Variants in PRLR observed in about 807,000 individuals in gnomAD.
PRLR encodes prolactin receptor, also known as hPRL receptor.
A neutral mutation model predicts 40.2 loss-of-function variants in PRLR; 13 were observed. That is an observed-to-expected ratio of 0.32 (90% CI 0.21 to 0.51). The LOEUF is 0.51. PRLR is among the 20% of genes least tolerant of loss of function. The probability of loss-of-function intolerance (pLI) is 0.97; values close to 1 mark genes in which losing one functional copy is unlikely to be tolerated. For missense variants in PRLR, 656 were observed against 747.3 expected, an observed-to-expected ratio of 0.88 and a Z score of 1.42; for synonymous variants, 269 against 278.7, an observed-to-expected ratio of 0.97 and a Z score of 0.35.
chr5:35,143,048 A>G (rs73076824), intron 1 of PRLR, among the ~76,000 whole-genome samples: 8 of 152,368 alleles, frequency 5.3e-5, no homozygotes, highest in African/African-American at 1.9e-4. Flanking sequence ...GAGTTTCTAT[A>G]AATTGTTGAT....
At position 35,206,508 on chromosome 5, in the gene PRLR, A is replaced by C. The variant is rs115718462; in HGVS notation, c.-106+23760T>G. On this transcript the variant is annotated intron_variant, in intron 1 of 9. Coordinates refer to ENST00000618457, the MANE Select transcript of PRLR (RefSeq NM_000949.7). ...ATATTTACTGACAGTAACATGAATA[A>C]AAAATGTTAAATTATTCTTACCAAT... Among the ~76,000 whole-genome samples the C allele has an allele frequency of 4.0e-3, 610 of 152,240 alleles. 4 individuals carry two copies. Among genetic ancestry groups the C allele is most frequent in the African/African-American group, 0.014 (588 of 41,580 alleles).
chr5:35,080,663 A>G (rs1579598662), intron 5 of PRLR, among the ~76,000 whole-genome samples: 1 of 152,148 alleles, frequency 6.6e-6, no homozygotes, highest in Admixed American at 6.5e-5. Context: ...AACTAGAAAT[A>G]CCGTTTGACC....
At chr5:35,077,340 A>G (rs375226998) in intron 5 of PRLR, among the ~76,000 whole-genome samples, 1 of 152,056 alleles carries the variant, frequency 6.6e-6, no homozygotes, top group Non-Finnish European at 1.5e-5. Flanking sequence ...AAAATAAAGG[A>G]ATGGAGGAAG....
chr5:35,099,533 TC>T (rs1771731093), intron 2 of PRLR, among the ~76,000 whole-genome samples: 1 of 152,216 alleles, frequency 6.6e-6, no homozygotes, highest in Admixed American at 6.5e-5. Flanking sequence ...GTGTACTCCT[TC>T]TACTTATTAA....
At chr5:35,066,558 C>T (rs1008416547) in intron 9 of PRLR, among the ~76,000 whole-genome samples, 2 of 151,122 alleles carry the variant, frequency 1.3e-5, no homozygotes, top group African/African-American at 4.9e-5. Flanking sequence ...CATCTTCCTT[C>T]TCTCCTTCCT....
chr5:35,115,191 C>T (rs551524781), intron 2 of PRLR, among the ~76,000 whole-genome samples: 1 of 152,262 alleles, frequency 6.6e-6, no homozygotes, highest in South Asian at 2.1e-4. Context: ...TAAATTGCTA[C>T]AAGTAGCTAC....
At chr5:35,089,967 C>G (rs1771099904) in intron 2 of PRLR, among the ~76,000 whole-genome samples, 1 of 152,128 alleles carries the variant, frequency 6.6e-6, no homozygotes, top group Non-Finnish European at 1.5e-5. Context: ...CTCTTTCCAC[C>G]CCATAGCCAC....
chr5:35,073,036 T>C (rs1239906413), intron 5 of PRLR, among the ~76,000 whole-genome samples: 2 of 152,186 alleles, frequency 1.3e-5, no homozygotes, highest in Non-Finnish European at 2.9e-5. Context: ...ATAATTTTCA[T>C]GATGACAGAG....
At chr5:35,226,956 G>A (rs1451451952) in intron 1 of PRLR, among the ~76,000 whole-genome samples, 2 of 152,200 alleles carry the variant, frequency 1.3e-5, no homozygotes, top group East Asian at 3.9e-4. Context: ...AACGTGCTCA[G>A]CACAGGGAGG....
At chr5:35,219,389 AATG>A (rs1776363230) in intron 1 of PRLR, among the ~76,000 whole-genome samples, 1 of 152,234 alleles carries the variant, frequency 6.6e-6, no homozygotes, top group Admixed American at 6.5e-5. Context: ...TCATCTATAA[AATG>A]ATAATAAGAG....
chr5:35,223,776 A>C (rs2111682720), intron 1 of PRLR, among the ~76,000 whole-genome samples: 1 of 152,376 alleles, frequency 6.6e-6, no homozygotes, highest in Non-Finnish European at 1.5e-5. Flanking sequence ...CCCAACTAGG[A>C]ACTATGCTCC....
At chr5:35,091,520 G>A (rs16871725) in intron 2 of PRLR, among the ~76,000 whole-genome samples, 4,389 of 152,308 alleles carry the variant, frequency 0.029, 205 homozygotes, top group African/African-American at 0.1. Context: ...TGCCCATGGG[G>A]GAAAGATACT....
Position 35,091,157 on chromosome 5 carries a change from G to A in PRLR, c.-43-1494C>T, listed in dbSNP as rs115387261. 3.5e-3 allele frequency among the ~76,000 whole-genome samples: 525 copies of A among 152,146 alleles called. 3 individuals carry two copies. Among genetic ancestry groups the A allele is most frequent in the African/African-American group, 0.011 (449 of 41,522 alleles). On this transcript the variant is annotated intron_variant, in intron 2 of 9. Transcript: ENST00000618457. ...GGCTCCAGCTTCAGTAAAGGATCCC[G>A]GTCCAGTGGTGGATCCTGTGAGGTG...
At chr5:35,067,582 T>C (rs1416418611) in intron 9 of PRLR, among the ~76,000 whole-genome samples, 2 of 152,232 alleles carry the variant, frequency 1.3e-5, no homozygotes, top group East Asian at 3.8e-4. Context: ...TAGTTGCTTT[T>C]ATATATGTCA....
chr5:35,049,903 CTTTTTTTTTT>C, intron 8 of PRLR, among the ~76,000 whole-genome samples: 1 of 123,526 alleles, frequency 8.1e-6, no homozygotes, highest in Admixed American at 8.1e-5. Flanking sequence ...AAACTACATT[CTTTTTTTTTT>C]TTTTTTTTTT....
chr5:35,068,438 GAGGCCTATATTAAAATTAACTTT>G (rs1246771068), intron 8 of PRLR, among the ~76,000 whole-genome samples, 153 bp from the exon 9 acceptor site: 1 of 152,162 alleles, frequency 6.6e-6, no homozygotes, highest in Non-Finnish European at 1.5e-5. Context: ...TAAAATTACA[GAGGCCTATATTAAAATTAACTTT>G]AGCTAATTAA....
chr5:35,065,065 C>A lies in PRLR; in HGVS notation c.*24G>T. 6.3e-7 allele frequency: 1 copy of A among 1,589,526 alleles called. No individual in the cohort carries two copies. The highest frequency in any genetic ancestry group is 1.2e-5 in the South Asian group (1 of 86,930). ...TACCTGAAGAAAAATCACATTTTAACCAATCATTCCATTAGTCAAGCTATC... is the reference window on the plus strand; with the variant it reads ...TACCTGAAGAAAAATCACATTTTAAACAATCATTCCATTAGTCAAGCTATC... On this transcript the variant is annotated 3_prime_UTR_variant, in exon 10 of 10. Coordinates refer to ENST00000618457, the MANE Select transcript of PRLR (RefSeq NM_000949.7).
chr5:35,119,686 A>T (rs546253318), intron 1 of PRLR, among the ~76,000 whole-genome samples: 1 of 152,228 alleles, frequency 6.6e-6, no homozygotes, highest in Non-Finnish European at 1.5e-5. Flanking sequence ...TAGAACTTAA[A>T]GTTCTCTCTT....
chr5:35,052,789 C>A (rs1364150978), downstream of PRLR, among the ~76,000 whole-genome samples: 1 of 152,132 alleles, frequency 6.6e-6, no homozygotes, highest in Non-Finnish European at 1.5e-5. Context: ...CACAGAGAGG[C>A]TAAGAAAAAT....
Sources: allele counts gnomAD v4.1 joint callset (sites outside exome capture counted in the v4.1 genomes callset), GRCh38; gene constraint gnomAD v4.1.1; transcripts MANE v1.5; gene names NCBI Gene and HGNC (gene_info 2026-07-23, HGNC 2026-07-21).